The following DNAH5 variants were observed in gnomAD, a reference collection of about 807,000 sequenced individuals.
DNAH5 encodes the protein dynein axonemal heavy chain 5.
In DNAH5, 372 loss-of-function variants were observed where a neutral mutation model predicts 518.2. That is an observed-to-expected ratio of 0.72 (90% CI 0.66 to 0.78). DNAH5 has a LOEUF of 0.78. Ranked by LOEUF, DNAH5 falls within the 30% of genes least tolerant of loss-of-function variation. The pLI is 0.00. For synonymous variants in DNAH5, 2,039 were observed against 2,025.9 expected, an observed-to-expected ratio of 1.01 and a Z score of -0.17; for missense variants, 5,523 against 5,687.0, an observed-to-expected ratio of 0.97 and a Z score of 0.93.
intron 47 of DNAH5, 38 bp from the exon 48 acceptor site, chr5:13,794,096 A>G: frequency 1.2e-6 from 2 of 1,613,812 alleles, no homozygotes; most frequent in Non-Finnish European, 8.5e-7. Context: ...CTGTGAAAAT[A>G]TCCCCTAAAA....
At chr5:13,939,435 C>T (rs1580982371) in intron 1 of DNAH5, among the ~76,000 whole-genome samples, 1 of 152,150 alleles carries the variant, frequency 6.6e-6, no homozygotes, top group Non-Finnish European at 1.5e-5. Flanking sequence ...ACCTGCCTCC[C>T]GTTTTATTTT....
chr5:13,766,310 C>G, intron 58 of DNAH5, 131 bp from the exon 59 acceptor site: 7 of 882,252 alleles, frequency 7.9e-6, no homozygotes, highest in Non-Finnish European at 1.3e-5. Context: ...GCCACAGGGT[C>G]TAGATGCATA....
chr5:13,728,123 A>G (rs1746002488), intron 69 of DNAH5, among the ~76,000 whole-genome samples: 1 of 152,224 alleles, frequency 6.6e-6, no homozygotes, highest in Non-Finnish European at 1.5e-5. Context: ...CAGCTTTTTG[A>G]TCAATACTCT....
Position 13,708,267 on chromosome 5 carries a change from G to T in DNAH5, c.13194C>A (p.Asp4398Glu), listed in dbSNP as rs769150763. The T allele has an allele frequency of 1.9e-6, 3 of 1,613,912 alleles. No homozygotes were observed. Among genetic ancestry groups the T allele is most frequent in the Middle Eastern group, 1.6e-4 (1 of 6,084 alleles). ...PMNIFLRQEI[D>E]RMQRVLSLVR... ...CAAGGCTGAGTACCCTTTGCATTCT[G>T]TCTATTTCCTGCCTGAGGAAAATGT... is the stretch of plus-strand genomic sequence containing the variant. Residue 4398 changes from aspartate to glutamate, a missense_variant, in exon 76 of 79, where the codon GAC (aspartate) becomes GAA (glutamate). This residue lies in a region of DNAH5 where 387 missense variants were observed against 430.0 expected (regional missense o/e 0.90). Transcript: ENST00000265104.
intron 78 of DNAH5, among the ~76,000 whole-genome samples, chr5:13,696,360 G>A: frequency 6.6e-6 from 1 of 152,122 alleles, no homozygotes; most frequent in East Asian, 1.9e-4. Context: ...TAGACAGTGT[G>A]TGTGTGGCTT....
intron 40 of DNAH5, 126 bp from the exon 41 acceptor site, chr5:13,820,625 C>T: frequency 1.9e-6 from 2 of 1,068,560 alleles, no homozygotes; most frequent in African/African-American, 1.6e-5. Context: ...GAGTTCAAGA[C>T]CAGCCAGGCC....
chr5:13,891,492 C>T (rs16902892), intron 16 of DNAH5, among the ~76,000 whole-genome samples: 2,073 of 152,152 alleles, frequency 0.014, 50 homozygotes, highest in African/African-American at 0.046. Flanking sequence ...AGTTTCTGAG[C>T]TCCTGCCTGC....
intron 47 of DNAH5, among the ~76,000 whole-genome samples, chr5:13,805,060 C>T (rs1184449532): frequency 1.3e-5 from 2 of 152,100 alleles, no homozygotes; most frequent in Admixed American, 6.6e-5. Flanking sequence ...CTGGAAATTT[C>T]CTGAGTGATA....
chr5:13,801,227 G>C (rs142923974), intron 47 of DNAH5, among the ~76,000 whole-genome samples: 1 of 152,126 alleles, frequency 6.6e-6, no homozygotes. Flanking sequence ...GCTGTCTCAT[G>C]AGTGAGTTCT....
intron 51 of DNAH5, 110 bp from the exon 52 acceptor site, chr5:13,786,461 T>G: frequency 1.8e-6 from 2 of 1,122,442 alleles, no homozygotes; most frequent in Non-Finnish European, 2.6e-6. Flanking sequence ...AACATTCATT[T>G]TAAGCTAAAT....
intron 25 of DNAH5, 109 bp downstream of exon 25, chr5:13,867,665 A>C: frequency 1.5e-5 from 13 of 879,382 alleles, no homozygotes; most frequent in East Asian, 2.4e-5. Flanking sequence ...TTCCCTGGGA[A>C]TTCCTAGGAA....
chr5:13,973,254 T>C (rs1430597633), intron 1 of DNAH5, among the ~76,000 whole-genome samples: 1 of 152,174 alleles, frequency 6.6e-6, no homozygotes, highest in Non-Finnish European at 1.5e-5. Context: ...AAAACGATTC[T>C]CTCCTAGAAG....
chr5:13,896,750 A>G (rs141353574), intron 15 of DNAH5: 1 of 152,348 alleles, frequency 6.6e-6, no homozygotes, highest in Non-Finnish European at 1.5e-5. Context: ...TGAAAGGTAC[A>G]TAATGTCAAA....
At chr5:13,802,679 G>A (rs564511740) in intron 47 of DNAH5, among the ~76,000 whole-genome samples, 8 of 152,268 alleles carry the variant, frequency 5.3e-5, no homozygotes, top group Admixed American at 2.6e-4. Context: ...CTGAGGCGAC[G>A]GTGCATTGCC....
intron 60 of DNAH5, among the ~76,000 whole-genome samples, chr5:13,760,951 C>T (rs938562431): frequency 3.3e-5 from 5 of 152,186 alleles, no homozygotes; most frequent in South Asian, 4.1e-4. Context: ...ATGTATTTTT[C>T]GGACTGACGT....
intron 32 of DNAH5, among the ~76,000 whole-genome samples, chr5:13,842,482 AG>A (rs200526910): frequency 1.8e-5 from 1 of 54,080 alleles, no homozygotes; most frequent in African/African-American, 9.9e-5. Context: ...AAAGAAAGAA[AG>A]AGAAAGAAAA....
chr5:13,955,207 C>G (rs950872017), intron 1 of DNAH5, among the ~76,000 whole-genome samples: 1 of 152,136 alleles, frequency 6.6e-6, no homozygotes, highest in South Asian at 2.1e-4. Context: ...GCACTTCCCC[C>G]CTCACTCTCT....
At chr5:14,011,096 A>G (rs944093865) in intron 1 of DNAH5, among the ~76,000 whole-genome samples, 2 of 152,002 alleles carry the variant, frequency 1.3e-5, no homozygotes, top group African/African-American at 2.4e-5. Context: ...CACCGAGGCA[A>G]ATGTAAGAGA....
chr5:13,786,109 G>A (rs1232567058), intron 52 of DNAH5, 70 bp downstream of exon 52: 14 of 1,440,306 alleles, frequency 9.7e-6, no homozygotes, highest in Non-Finnish European at 1.2e-5. Context: ...AATAAGAGAG[G>A]GAGAGGACCA....
Sources: allele counts gnomAD v4.1 joint callset (sites outside exome capture counted in the v4.1 genomes callset), GRCh38; gene constraint gnomAD v4.1.1; regional missense constraint gnomAD v4.1.1; transcripts MANE v1.5; gene names NCBI Gene and HGNC (gene_info 2026-07-23, HGNC 2026-07-21).